The following XAB2 variants were observed in gnomAD, a reference collection of about 807,000 sequenced individuals.
XAB2 encodes the protein pre-mRNA-splicing factor SYF1.
Under a neutral mutation model 113.4 loss-of-function variants are expected in XAB2, and 57 were observed. That is an observed-to-expected ratio of 0.50 (90% CI 0.41 to 0.63). XAB2 has a LOEUF of 0.63. Ranked by LOEUF, XAB2 falls within the 20% of genes least tolerant of loss-of-function variation. The probability of loss-of-function intolerance (pLI) is 0.00; values close to 1 mark genes in which losing one functional copy is unlikely to be tolerated. For missense variants in XAB2, 1,037 were observed against 1,233.3 expected (o/e 0.84, Z 2.38); for synonymous variants, 497 against 498.8 (o/e 1.00, Z 0.05).
In XAB2 at chr19:7,622,312, G is replaced by A. The variant is rs375237941; in HGVS notation, c.1617+19C>T. 1.9e-6 allele frequency: 3 copies of A among 1,613,284 alleles called. No individual in the cohort carries two copies. Among genetic ancestry groups the A allele is most frequent in the Non-Finnish European group, 2.5e-6 (3 of 1,179,354 alleles). On this transcript the variant is annotated intron_variant, in intron 12 of 18. Transcript: ENST00000358368. The stretch of plus-strand genomic sequence containing the variant: ...GGACACTGCCATCAGGGGCCTCTGG[G>A]TCCACCCTAGCCCCTCACCTTGAAG...
chr19:7,619,922 T>C, intron 17 of XAB2, 24 bp downstream of exon 17: 1 of 1,609,958 alleles, frequency 6.2e-7, no homozygotes, highest in Non-Finnish European at 8.5e-7. Context: ...CCCAGTCCTG[T>C]CCCGTCCAAG....
chr19:7,621,540 G>A (rs1325415421), intron 12 of XAB2: 2 of 524,016 alleles, frequency 3.8e-6, no homozygotes, highest in Non-Finnish European at 6.8e-6. Context: ...CCCCATAGGA[G>A]GTGACATGAT....
At position 7,622,452 on chromosome 19, in the gene XAB2, G is replaced by A; in HGVS notation, c.1504-8C>T. On this transcript the variant is annotated splice_polypyrimidine_tract_variant and splice_region_variant and intron_variant, in intron 11 of 18. Transcript: ENST00000358368. ...GTACACGGCCTTGGTGGACTGCAGG[G>A]GTGGGGATGGGAAAGGTTGGAGCTG... 1.2e-6 allele frequency: 2 copies of A among 1,614,180 alleles called. No homozygotes were observed. Among genetic ancestry groups the A allele is most frequent in the Non-Finnish European group, 1.7e-6 (2 of 1,180,044 alleles).
In XAB2 at chr19:7,624,014, C is replaced by T. The variant is rs1474899759; in HGVS notation, c.968-132G>A. ...TGCTCTGGGCCCTAGACACTCAGCT[C>T]GGGTGTCCACCTGAGCCCCACCCCC... is the stretch of plus-strand genomic sequence containing the variant. On this transcript the variant is annotated intron_variant, in intron 7 of 18. Coordinates refer to ENST00000358368, the MANE Select transcript of XAB2 (RefSeq NM_020196.3). The surrounding 1 kb of genome is among the most constrained non-coding windows in gnomAD (Gnocchi z 4.2). The T allele has an allele frequency of 1.0e-5, 12 of 1,193,378 alleles. No individual in the cohort carries two copies. Among genetic ancestry groups the T allele is most frequent in the East Asian group, 7.7e-5 (3 of 38,948 alleles). 73.9% of individuals were successfully genotyped at this position (1,193,378 alleles called of 1,614,324 possible). A position where few individuals can be genotyped will look rare whatever the true frequency, so the allele number is the denominator to read the frequency against.
Position 7,628,415 on chromosome 19 carries a change from C to G in XAB2, c.52-117G>C, listed in dbSNP as rs1231518457. 4 of 1,319,234 alleles carry G rather than the reference C, an allele frequency of 3.0e-6. No individual in the cohort carries two copies. The highest frequency in any genetic ancestry group is 4.2e-6 in the Non-Finnish European group (4 of 960,446). The allele number at this position is 1,319,234 out of a possible 1,614,324, so 81.7% of individuals were successfully genotyped here. On this transcript the variant is annotated intron_variant, in intron 1 of 18. Coordinates refer to ENST00000358368, the MANE Select transcript of XAB2 (RefSeq NM_020196.3). The surrounding 1 kb of genome is among the most constrained non-coding windows in gnomAD (Gnocchi z 4.6). ...GGACTTTTACCTAGATCCCACCACC[C>G]ACCAAGGAAGTCAGGTCACCAGATG...
chr19:7,621,127 CGCCT>C lies in XAB2; in HGVS notation c.1780+4_1780+7del. 1 of 1,587,334 alleles carries C rather than the reference CGCCT, an allele frequency of 6.3e-7. No homozygotes were observed. Among genetic ancestry groups the C allele is most frequent in the Non-Finnish European group, 8.6e-7 (1 of 1,166,308 alleles). ...CGCCACCCCCCCCATGCCCTCTGCC[CGCCT>C]CACTCTTGGCATATTTTGGGGGGCA... On this transcript the variant is annotated splice_donor_5th_base_variant and intron_variant, in intron 13 of 18. Transcript: ENST00000358368.
Position 7,627,651 on chromosome 19 carries a change from C to T in XAB2, c.324+77G>A. 6.3e-7 allele frequency: 1 copy of T among 1,587,808 alleles called. No homozygotes were observed. On this transcript the variant is annotated intron_variant, in intron 3 of 18. Transcript: ENST00000358368. The surrounding 1 kb of genome is among the most constrained non-coding windows in gnomAD (Gnocchi z 4.5). Reference sequence around the variant, plus strand: ...GCCCCCATCCCTAACATGCTGAGCCCAGCCCCTGTCCCCGCCCCACCCACC... The same window carrying T: ...GCCCCCATCCCTAACATGCTGAGCCTAGCCCCTGTCCCCGCCCCACCCACC...
Position 7,623,759 on chromosome 19 carries a change from A to G in XAB2, c.1091T>C (p.Val364Ala). ...PHHVHEWHKR[V>A]ALHQGRPREI... Reference sequence around the variant, plus strand: ...CCGGGGGCGGCCCTGGTGCAGGGCGACACGCTTGTGCCACTCGTGCACGTG... The same window carrying G: ...CCGGGGGCGGCCCTGGTGCAGGGCGGCACGCTTGTGCCACTCGTGCACGTG... Residue 364 changes from valine (V) to alanine (A), a missense_variant, in exon 8 of 19, where the codon GTC becomes GCC. By Grantham distance (64) the Val-to-Ala change is moderately conservative. Coordinates refer to ENST00000358368, the MANE Select transcript of XAB2 (RefSeq NM_020196.3). This position sits in a 1 kb window ranked among gnomAD's most constrained non-coding sequence, Gnocchi z 4.6. 6.2e-7 allele frequency: 1 copy of G among 1,610,304 alleles called. No homozygotes were observed. The highest frequency in any genetic ancestry group is 8.5e-7 in the Non-Finnish European group (1 of 1,179,040).
In XAB2 at chr19:7,622,773, G is replaced by A. The variant is rs748186146; in HGVS notation, c.1360C>T (p.Arg454Trp). The change falls in exon 10 of 19, where the codon CGG (arginine) becomes TGG (tryptophan). Residue 454 changes from arginine (R) to tryptophan (W), a missense_variant. Transcript: ENST00000358368. ...LRHENYDEAL[R>W]LLRKATALPA... is the part of the protein sequence containing the mutation. ...GGGCCTGTTCTCACTCGCAGCAGCC[G>A]CAAGGCCTCATCGTAGTTCTCGTGT... 1.4e-5 allele frequency: 22 copies of A among 1,613,924 alleles called. No homozygotes were observed. Among genetic ancestry groups the A allele is most frequent in the Admixed American group, 1.0e-4 (6 of 60,004 alleles).
intron 18 of XAB2, 26 bp downstream of exon 18, chr19:7,619,721 C>CG: frequency 6.2e-7 from 1 of 1,612,042 alleles, no homozygotes; most frequent in South Asian, 1.1e-5. Context: ...GTAATGCCAC[C>CG]GTCCCCGCCC....
chr19:7,627,711 C>A lies in XAB2; in HGVS notation c.324+17G>T. ...TGAGCTCCACTTCCCGATTCATCCC[C>A]TCGCCGAGCCCCAAACCTTGTGCAT... On this transcript the variant is annotated intron_variant, in intron 3 of 18. Coordinates refer to ENST00000358368, the MANE Select transcript of XAB2 (RefSeq NM_020196.3). This position sits in a 1 kb window ranked among gnomAD's most constrained non-coding sequence, Gnocchi z 4.5. 1.2e-6 allele frequency: 2 copies of A among 1,613,448 alleles called. No homozygotes were observed. The highest frequency in any genetic ancestry group is 1.1e-5 in the South Asian group (1 of 91,044).
rs1272671341 is a variant in XAB2, at chr19:7,623,076, A to G, written c.1239+94T>C. On this transcript the variant is annotated intron_variant, in intron 9 of 18. Transcript: ENST00000358368. The surrounding 1 kb of genome is among the most constrained non-coding windows in gnomAD (Gnocchi z 4.6). ...TGCACATGCACACACACGTGCACACATCCATGCACAAATATGTACACACAC... is the reference window on the plus strand; with the variant it reads ...TGCACATGCACACACACGTGCACACGTCCATGCACAAATATGTACACACAC... The G allele has an allele frequency of 1.7e-5, 27 of 1,576,420 alleles. No homozygotes were observed. Among genetic ancestry groups the G allele is most frequent in the Non-Finnish European group, 2.6e-6 (3 of 1,161,594 alleles).
rs1214319272 is a variant in XAB2, at chr19:7,621,273, A to G, written c.1642T>C (p.Phe548Leu). The G allele has an allele frequency of 5.0e-6, 8 of 1,612,848 alleles. No homozygotes were observed. Among genetic ancestry groups the G allele is most frequent in the Non-Finnish European group, 5.1e-6 (6 of 1,179,966 alleles). ...FKAYERGISL[F>L]KWPNVSDIWS... Reference sequence around the variant, plus strand: ...ATGTCGGACACGTTGGGCCACTTGAACAGCGAGATGCCGCGCTCGTACGCC... The same window carrying G: ...ATGTCGGACACGTTGGGCCACTTGAGCAGCGAGATGCCGCGCTCGTACGCC... The change falls in exon 13 of 19, where the codon TTC (phenylalanine) becomes CTC (leucine). Residue 548 changes from phenylalanine (F) to leucine (L), a missense_variant. By Grantham distance (22) the Phe-to-Leu change is conservative. Transcript: ENST00000358368.
In XAB2 at chr19:7,624,255, G is replaced by T; in HGVS notation, c.967+46C>A. On this transcript the variant is annotated intron_variant, in intron 7 of 18. Transcript: ENST00000358368. This position sits in a 1 kb window ranked among gnomAD's most constrained non-coding sequence, Gnocchi z 4.2. ...GATGTGTCCCGCCCCTACCGCTAAT[G>T]TCCACTCAGCTCTCTCCCCACCAGC... 1 of 1,607,122 alleles carries T rather than the reference G, an allele frequency of 6.2e-7. No homozygotes were observed.
In XAB2 at chr19:7,620,306, C is replaced by G; in HGVS notation, c.2235G>C (p.Met745Ile). ...CCGTGGCACTGCCCGAGACCTTGAG[C>G]ATCTGCGAGGCCATGAAGTTGACCT... ...NTQVNFMASQ[M>I]LKVSGSATGT... is the part of the protein sequence containing the mutation. The change falls in exon 16 of 19, where the codon ATG becomes ATC. Residue 745 changes from methionine (M) to isoleucine (I), a missense_variant. Physicochemically the swap from Met to Ile is conservative, Grantham distance 10. Transcript: ENST00000358368. 5 of 1,613,642 alleles carry G rather than the reference C, an allele frequency of 3.1e-6. No individual in the cohort carries two copies. The highest frequency in any genetic ancestry group is 4.2e-6 in the Non-Finnish European group (5 of 1,180,012).
At position 7,620,919 on chromosome 19, in the gene XAB2, T is replaced by C. The variant is rs2031017744; in HGVS notation, c.1898A>G (p.Asn633Ser). The change falls in exon 14 of 19, where the codon AAC becomes AGC. Residue 633 changes from asparagine (N) to serine (S), a missense_variant. Coordinates refer to ENST00000358368, the MANE Select transcript of XAB2 (RefSeq NM_020196.3). ...VEPAQQYDMFNIYIKRAAEIY... is the reference protein window; with the variant it reads ...VEPAQQYDMFSIYIKRAAEIY... ...CTCGGCCGCCCGCTTGATGTAGATG[T>C]TGAACATGTCATACTGCTGGGCGGG... 1.9e-6 allele frequency: 3 copies of C among 1,603,254 alleles called. No individual in the cohort carries two copies. Among genetic ancestry groups the C allele is most frequent in the East Asian group, 4.5e-5 (2 of 44,430 alleles).
intron 4 of XAB2, 40 bp from the exon 5 acceptor site, chr19:7,626,310 C>T: frequency 6.3e-7 from 1 of 1,590,906 alleles, no homozygotes; most frequent in Non-Finnish European, 8.6e-7. Flanking sequence ...AGTGGGGTGG[C>T]AGGGCTACGC....
At position 7,624,020 on chromosome 19, in the gene XAB2, T is replaced by G; in HGVS notation, c.968-138A>C. 2.6e-6 allele frequency: 3 copies of G among 1,144,130 alleles called. No homozygotes were observed. The highest frequency in any genetic ancestry group is 1.6e-5 in the African/African-American group (1 of 64,028). 70.9% of individuals were successfully genotyped at this position (1,144,130 alleles called of 1,614,324 possible). On this transcript the variant is annotated intron_variant, in intron 7 of 18. Coordinates refer to ENST00000358368, the MANE Select transcript of XAB2 (RefSeq NM_020196.3). This position sits in a 1 kb window ranked among gnomAD's most constrained non-coding sequence, Gnocchi z 4.2. ...GGGCCCTAGACACTCAGCTCGGGTGTCCACCTGAGCCCCACCCCCAGCCCC... is the reference window on the plus strand; with the variant it reads ...GGGCCCTAGACACTCAGCTCGGGTGGCCACCTGAGCCCCACCCCCAGCCCC...
In XAB2 at chr19:7,627,272, C is replaced by G; in HGVS notation, c.493G>C (p.Ala165Pro). 6.2e-7 allele frequency: 1 copy of G among 1,613,528 alleles called. No homozygotes were observed. Among genetic ancestry groups the G allele is most frequent in the Non-Finnish European group, 8.5e-7 (1 of 1,180,022 alleles). The change falls in exon 4 of 19, where the codon GCT (alanine) becomes CCT (proline). Residue 165 changes from alanine (A) to proline (P), a missense_variant. Physicochemically the swap from Ala to Pro is conservative, Grantham distance 27. Coordinates refer to ENST00000358368, the MANE Select transcript of XAB2 (RefSeq NM_020196.3). This position sits in a 1 kb window ranked among gnomAD's most constrained non-coding sequence, Gnocchi z 4.5. ...FLRSHPLPET[A>P]VRGYRRFLKL... is the part of the protein sequence containing the mutation. ...AGGAAGCGCCGATAGCCTCGCACAG[C>G]TGTCTCAGGCAGTGGGTGTGAGCGC... is the stretch of plus-strand genomic sequence containing the variant.
Sources: allele counts gnomAD v4.1 joint callset, GRCh38; gene constraint gnomAD v4.1.1; non-coding constraint Gnocchi (gnomAD v3.1); transcripts MANE v1.5; gene names NCBI Gene and HGNC (gene_info 2026-07-23, HGNC 2026-07-21).